The following MEGF10 variants were observed in gnomAD, a reference collection of about 807,000 sequenced individuals.
The protein encoded by MEGF10 is multiple epidermal growth factor-like domains protein 10.
MEGF10 carries 86 observed loss-of-function variants against 147.5 expected under a neutral mutation model. The observed-to-expected ratio is 0.58, with a 90% CI of 0.49 to 0.70. The LOEUF is 0.70. MEGF10 is among the 30% of genes least tolerant of loss of function. The pLI, the probability that MEGF10 is intolerant of heterozygous loss-of-function variation, is 0.00. For missense variants in MEGF10, 1,329 were observed against 1,487.3 expected (o/e 0.89, Z 1.75); for synonymous variants, 478 against 525.5 (o/e 0.91, Z 1.24).
chr5:127,270,931 T>C, the MEGF10 span, among the ~76,000 whole-genome samples: 9 of 152,234 alleles, frequency 5.9e-5, no homozygotes, highest in Admixed American at 1.3e-4. Context: ...TAGTATTCCA[T>C]GGTGTATGTG....
chr5:127,344,005 T>C (rs246896), intron 4 of MEGF10, among the ~76,000 whole-genome samples: 59,135 of 152,040 alleles, frequency 0.39, 12,732 homozygotes, highest in Non-Finnish European at 0.49. Flanking sequence ...TAGTTTAACT[T>C]GTTTTGGGAG....
chr5:127,267,457 C>A, the MEGF10 span, among the ~76,000 whole-genome samples: 2 of 152,110 alleles, frequency 1.3e-5, no homozygotes, highest in African/African-American at 4.8e-5. Context: ...AGGGAGGCTT[C>A]CCTCTTTTTC....
the MEGF10 span, among the ~76,000 whole-genome samples, chr5:127,255,867 T>G: frequency 6.6e-6 from 1 of 152,214 alleles, no homozygotes; most frequent in Non-Finnish European, 1.5e-5. Flanking sequence ...ATTTGTTGGA[T>G]TCTATGTCTT....
At chr5:127,312,575 G>C (rs1760339613) in intron 1 of MEGF10, among the ~76,000 whole-genome samples, 1 of 152,196 alleles carries the variant, frequency 6.6e-6, no homozygotes, top group Admixed American at 6.5e-5. Flanking sequence ...ACTTTCTTCT[G>C]AAGTTCTTAT....
At chr5:127,451,535 C>T (rs1460922561) in intron 22 of MEGF10, among the ~76,000 whole-genome samples, 1 of 152,128 alleles carries the variant, frequency 6.6e-6, no homozygotes, top group Non-Finnish European at 1.5e-5. Context: ...GTCTTAATTA[C>T]ATTTATAATT....
At chr5:127,388,228 A>G (rs1392602538) in intron 5 of MEGF10, among the ~76,000 whole-genome samples, 1 of 152,082 alleles carries the variant, frequency 6.6e-6, no homozygotes, top group Non-Finnish European at 1.5e-5. Context: ...AGTTCACTGC[A>G]GCCTCGACCT....
chr5:127,296,372 A>G (rs951465055), intron 1 of MEGF10, among the ~76,000 whole-genome samples: 1 of 152,200 alleles, frequency 6.6e-6, no homozygotes, highest in African/African-American at 2.4e-5. Flanking sequence ...CTCCTAGATA[A>G]AGAAACTATG....
At chr5:127,365,523 G>A (rs1010132607) in intron 4 of MEGF10, among the ~76,000 whole-genome samples, 1 of 152,156 alleles carries the variant, frequency 6.6e-6, no homozygotes, top group Non-Finnish European at 1.5e-5. Flanking sequence ...AAGATTCCAG[G>A]GTCATCATGT....
At chr5:127,273,104 C>T in the MEGF10 span, among the ~76,000 whole-genome samples, 1 of 152,172 alleles carries the variant, frequency 6.6e-6, no homozygotes, top group Non-Finnish European at 1.5e-5. Context: ...GTAAAGCTCC[C>T]AGGTCTTTGT....
intron 6 of MEGF10, 133 bp downstream of exon 6, chr5:127,396,911 G>T: frequency 7.5e-7 from 1 of 1,334,928 alleles, no homozygotes. Flanking sequence ...TAGGCTGCAG[G>T]CACAGTTATA....
intron 4 of MEGF10, among the ~76,000 whole-genome samples, chr5:127,341,706 A>G (rs530513377): frequency 6.6e-6 from 1 of 152,322 alleles, no homozygotes; most frequent in Non-Finnish European, 1.5e-5. Flanking sequence ...TAGAATATGT[A>G]ACTAAGCAAA....
intron 4 of MEGF10, among the ~76,000 whole-genome samples, chr5:127,345,715 TG>T (rs1761858934): frequency 6.6e-6 from 1 of 152,158 alleles, no homozygotes; most frequent in Admixed American, 6.6e-5. Flanking sequence ...TTATTTCAAT[TG>T]TTTTTTAAGG....
Position 127,398,608 on chromosome 5 carries a change from G to A in MEGF10, c.660-68G>A, listed in dbSNP as rs1764012889. 4 of 1,597,910 alleles carry A rather than the reference G, an allele frequency of 2.5e-6. No homozygotes were observed. The South Asian group carries it at 3.4e-5, about 13-fold the overall frequency. The stretch of plus-strand genomic sequence containing the variant: ...AGCTTGTCTATTTTGGGGACCCTGG[G>A]TACAGTGAACCCGAGGGTCATGTGT... On this transcript the variant is annotated intron_variant, in intron 6 of 24. Coordinates refer to ENST00000503335, the MANE Select transcript of MEGF10 (RefSeq NM_001256545.2).
chr5:127,398,847 A>G (rs1764023720), intron 7 of MEGF10, 51 bp downstream of exon 7: 1 of 1,611,210 alleles, frequency 6.2e-7, no homozygotes, highest in Admixed American at 1.7e-5. Flanking sequence ...CACCCATTCC[A>G]GGATACTCAG....
the MEGF10 span, among the ~76,000 whole-genome samples, chr5:127,257,160 T>C: frequency 6.6e-6 from 1 of 152,092 alleles, no homozygotes; most frequent in Non-Finnish European, 1.5e-5. Flanking sequence ...TGGAGCTACT[T>C]CTTATAGATG....
chr5:127,311,766 G>A lies in MEGF10; in HGVS notation c.-18-19525G>A, dbSNP rs1046597560. Among the ~76,000 whole-genome samples the A allele has an allele frequency of 4.1e-4, 63 of 152,312 alleles. 1 individual carries two copies. The highest frequency in any genetic ancestry group is 1.5e-3 in the African/African-American group (63 of 41,580). ...CTCGCCTATGTATAGGCTTGAAGAA[G>A]TCGGAGAATAGTTTTACTGATGTCA... On this transcript the variant is annotated intron_variant, in intron 1 of 24. Transcript: ENST00000503335.
At chr5:127,327,682 C>T (rs937403642) in intron 1 of MEGF10, among the ~76,000 whole-genome samples, 9 of 150,776 alleles carry the variant, frequency 6.0e-5, no homozygotes, top group Non-Finnish European at 8.9e-5. Context: ...AATGAATGCC[C>T]TATCTGCTGC....
chr5:127,248,582 C>CT, the MEGF10 span, among the ~76,000 whole-genome samples: 1 of 151,914 alleles, frequency 6.6e-6, no homozygotes, highest in African/African-American at 2.4e-5. Context: ...AATAATTTCC[C>CT]TCAGTGGCTC....
In MEGF10 at chr5:127,369,901, C is replaced by G. The variant is rs1419866519; in HGVS notation, c.320-9C>G. 6.3e-7 allele frequency: 1 copy of G among 1,590,522 alleles called. No homozygotes were observed. The highest frequency in any genetic ancestry group is 8.6e-7 in the Non-Finnish European group (1 of 1,167,378). On this transcript the variant is annotated splice_polypyrimidine_tract_variant and intron_variant, in intron 4 of 24. Transcript: ENST00000503335. ...ACTTTCTTTATTTGATTGATTTTCT[C>G]TCTGACAGCCCACTGTGCTGATAAA...
Sources: allele counts gnomAD v4.1 joint callset (sites outside exome capture counted in the v4.1 genomes callset), GRCh38; gene constraint gnomAD v4.1.1; transcripts MANE v1.5; gene names NCBI Gene and HGNC (gene_info 2026-07-23, HGNC 2026-07-21).